The following ZPBP variants were observed in gnomAD, a reference collection of about 807,000 sequenced individuals.
ZPBP encodes zona pellucida binding protein.
A neutral mutation model predicts 44.8 loss-of-function variants in ZPBP; 26 were observed. That is an observed-to-expected ratio of 0.58 (90% CI 0.43 to 0.81). The LOEUF is 0.81. Ranked by LOEUF, ZPBP falls within the 30% of genes least tolerant of loss-of-function variation. The pLI, the probability that ZPBP is intolerant of heterozygous loss-of-function variation, is 0.00. For synonymous variants in ZPBP, 174 were observed against 153.2 expected (o/e 1.14, Z -1.00); for missense variants, 409 against 434.0 (o/e 0.94, Z 0.51).
At chr7:49,920,378 T>C in intron 1 of ZPBP, 1 of 152,222 alleles carries the variant, frequency 6.6e-6, no homozygotes, top group East Asian at 1.9e-4. Flanking sequence ...TGCATGCATC[T>C]ATACAAATGG....
At chr7:49,979,495 C>A (rs759486722) in intron 7 of ZPBP, among the ~76,000 whole-genome samples, 1 of 151,702 alleles carries the variant, frequency 6.6e-6, no homozygotes, top group Non-Finnish European at 1.5e-5. Context: ...TAGTGTAGTA[C>A]ATAATAAGTT....
intron 3 of ZPBP, 24 bp from the exon 4 acceptor site, chr7:50,058,165 G>T: frequency 6.2e-7 from 1 of 1,612,458 alleles, no homozygotes; most frequent in Non-Finnish European, 8.5e-7. Flanking sequence ...ATACAGTTAC[G>T]AGTTGCTTAA....
At chr7:50,008,106 T>TG (rs939123670) in intron 6 of ZPBP, among the ~76,000 whole-genome samples, 5 of 152,072 alleles carry the variant, frequency 3.3e-5, no homozygotes, top group African/African-American at 1.2e-4. Context: ...GACATGATCT[T>TG]ACATACAGAA....
At chr7:49,849,643 A>G (rs1024186992), downstream of ZPBP, among the ~76,000 whole-genome samples, 13 of 152,248 alleles carry the variant, frequency 8.5e-5, no homozygotes, top group African/African-American at 3.1e-4. Flanking sequence ...ACCATTAGAT[A>G]GAGTCTAACG....
chr7:50,045,013 G>A (rs1800277276), intron 4 of ZPBP, among the ~76,000 whole-genome samples: 1 of 152,064 alleles, frequency 6.6e-6, no homozygotes, highest in South Asian at 2.1e-4. Context: ...ATCAATAAAC[G>A]TAATCCATCA....
At chr7:49,853,303 C>T (rs1276363888) in intron 2 of ZPBP, among the ~76,000 whole-genome samples, 1 of 152,230 alleles carries the variant, frequency 6.6e-6, no homozygotes. Context: ...TGGCCGGCCC[C>T]CAGCACTTGC....
chr7:49,899,415 C>G (rs1240459182), intron 2 of ZPBP, among the ~76,000 whole-genome samples: 1 of 151,888 alleles, frequency 6.6e-6, no homozygotes, highest in East Asian at 1.9e-4. Context: ...GTAACTGAAA[C>G]CATGGAAAGC....
intron 5 of ZPBP, among the ~76,000 whole-genome samples, chr7:50,022,237 G>A (rs112848142): frequency 0.012 from 1,842 of 151,942 alleles, 26 homozygotes; most frequent in African/African-American, 0.033. Context: ...AATATAAAAC[G>A]TAAATATAGA....
chr7:49,879,230 T>C (rs1233150720), intron 2 of ZPBP, among the ~76,000 whole-genome samples: 1 of 152,222 alleles, frequency 6.6e-6, no homozygotes, highest in Non-Finnish European at 1.5e-5. Flanking sequence ...TTTTATCTTA[T>C]TGAATATAGT....
At chr7:49,914,849 G>A (rs1028139513) in intron 1 of ZPBP, 7 of 152,096 alleles carry the variant, frequency 4.6e-5, no homozygotes, top group African/African-American at 1.4e-4. Flanking sequence ...ACAGAAAAGG[G>A]GGCCTCAGAA....
chr7:49,991,835 G>A (rs1025119589), intron 6 of ZPBP, among the ~76,000 whole-genome samples: 14 of 151,638 alleles, frequency 9.2e-5, no homozygotes, highest in African/African-American at 3.4e-4. Context: ...AAAACCTCCC[G>A]TCAAAAATCA....
rs1799947545 is a variant in ZPBP at position 50,038,966 on chromosome 7, T to C, written c.488-7656A>G. ...CAAAATAAAATTGTCTAATGACACA[T>C]TTCTCAGAATATATCCCCATCATTA... On this transcript the variant is annotated intron_variant, in intron 4 of 7. Coordinates refer to ENST00000046087, the MANE Select transcript of ZPBP (RefSeq NM_007009.3). Among the ~76,000 whole-genome samples, 3 of 152,172 alleles carry C rather than the reference T, an allele frequency of 2.0e-5. No individual in the cohort carries two copies. In the South Asian group the frequency reaches 6.2e-4, roughly 32 times the overall value.
At chr7:50,021,968 G>C (rs904529356) in intron 5 of ZPBP, among the ~76,000 whole-genome samples, 2 of 152,098 alleles carry the variant, frequency 1.3e-5, no homozygotes, top group Non-Finnish European at 2.9e-5. Flanking sequence ...TCACATACTA[G>C]GTGTCCACAA....
At chr7:50,052,276 A>G (rs934650513) in intron 4 of ZPBP, among the ~76,000 whole-genome samples, 1 of 152,220 alleles carries the variant, frequency 6.6e-6, no homozygotes, top group Non-Finnish European at 1.5e-5. Flanking sequence ...ATCCAATGAA[A>G]AAATGGTCAA....
chr7:49,973,943 T>G (rs914409906), intron 7 of ZPBP, among the ~76,000 whole-genome samples: 1 of 152,178 alleles, frequency 6.6e-6, no homozygotes, highest in Non-Finnish European at 1.5e-5. Context: ...AACAGGTATA[T>G]GTAGTAGATA....
intron 7 of ZPBP, among the ~76,000 whole-genome samples, chr7:49,969,476 A>G (rs1796194169): frequency 6.7e-6 from 1 of 149,492 alleles, no homozygotes; most frequent in Admixed American, 6.7e-5. Flanking sequence ...TCCAAAAAAG[A>G]AAACCTATCT....
At chr7:50,017,841 C>T (rs1016142096) in intron 6 of ZPBP, among the ~76,000 whole-genome samples, 10 of 152,046 alleles carry the variant, frequency 6.6e-5, no homozygotes, top group African/African-American at 2.2e-4. Context: ...TCACCCTAAG[C>T]ATAGGTACAG....
At chr7:49,872,821 C>A (rs546075961) in intron 2 of ZPBP, among the ~76,000 whole-genome samples, 10 of 131,340 alleles carry the variant, frequency 7.6e-5, no homozygotes, top group Admixed American at 2.6e-4. Flanking sequence ...GATGTTGAAA[C>A]AGGAGAATCG....
chr7:50,037,824 C>T (rs1289771803), intron 4 of ZPBP, among the ~76,000 whole-genome samples: 1 of 152,130 alleles, frequency 6.6e-6, no homozygotes, highest in African/African-American at 2.4e-5. Context: ...ATTTCTACAG[C>T]CTAACACAGG....
Sources: gnomAD v4.1 joint callset for allele counts (sites outside exome capture counted in the v4.1 genomes callset) on GRCh38, gnomAD v4.1.1 for gene constraint, MANE v1.5 for transcripts, NCBI Gene and HGNC (gene_info 2026-07-23, HGNC 2026-07-21) for gene names.